The following ZFHX3 variants were observed in gnomAD, a reference collection of about 807,000 sequenced individuals.
ZFHX3 encodes zinc finger homeobox 3.
ZFHX3 carries 42 observed loss-of-function variants against 279.1 expected under a neutral mutation model. The observed-to-expected ratio is 0.15, with a 90% confidence interval of 0.12 to 0.19. The LOEUF (loss-of-function observed/expected upper bound fraction) is 0.19. Among genes scored for constraint, ZFHX3 ranks in the 10% least tolerant of loss-of-function variants. The pLI is 1.00. For missense variants in ZFHX3, 4,981 were observed against 4,754.0 expected, an observed-to-expected ratio of 1.05 and a Z score of -1.40; for synonymous variants, 2,293 against 1,957.8, an observed-to-expected ratio of 1.17 and a Z score of -4.52.
At chr16:73,650,532 G>C (rs573019840) in intron 2 of ZFHX3, among the ~76,000 whole-genome samples, 6 of 152,106 alleles carry the variant, frequency 3.9e-5, no homozygotes, top group Non-Finnish European at 8.8e-5. Context: ...TCCTCACTTA[G>C]ATTTGCAGAA....
chr16:72,942,212 A>T (rs1175256139), intron 3 of ZFHX3, among the ~76,000 whole-genome samples: 1 of 152,142 alleles, frequency 6.6e-6, no homozygotes, highest in African/African-American at 2.4e-5. Flanking sequence ...TTGAGTTCAC[A>T]CCTTTGCCCC....
chr16:73,873,704 T>C (rs1474761178), intron 1 of ZFHX3, among the ~76,000 whole-genome samples: 1 of 152,186 alleles, frequency 6.6e-6, no homozygotes, highest in African/African-American at 2.4e-5. Context: ...GCTATGACTC[T>C]TTAGAAAGGA....
intron 5 of ZFHX3, among the ~76,000 whole-genome samples, chr16:72,814,596 G>C (rs185559838): frequency 7.1e-6 from 1 of 140,742 alleles, no homozygotes; most frequent in Admixed American, 7.8e-5. Context: ...CCCCTGCATG[G>C]AGAGGGGAAC....
At chr16:72,823,609 C>A (rs2036855949) in intron 5 of ZFHX3, among the ~76,000 whole-genome samples, 1 of 152,312 alleles carries the variant, frequency 6.6e-6, no homozygotes, top group Non-Finnish European at 1.5e-5. Context: ...GCCTTTTATC[C>A]AGGGTATATT....
intron 3 of ZFHX3, chr16:73,402,433 T>C (rs895550756): frequency 3.9e-5 from 6 of 152,242 alleles, no homozygotes; most frequent in Admixed American, 3.3e-4. Context: ...ACATAACAGT[T>C]GAATTACTAG....
intron 5 of ZFHX3, among the ~76,000 whole-genome samples, chr16:73,228,216 T>C (rs1251532299): frequency 6.6e-6 from 1 of 152,210 alleles, no homozygotes; most frequent in Non-Finnish European, 1.5e-5. Flanking sequence ...TTGCAGGCCT[T>C]ATGTGCTTTT....
At chr16:73,197,026 A>T (rs1968164596) in intron 5 of ZFHX3, among the ~76,000 whole-genome samples, 1 of 152,114 alleles carries the variant, frequency 6.6e-6, no homozygotes, top group South Asian at 2.1e-4. Context: ...GGGCGTCTTT[A>T]CCATCTTCTG....
At chr16:73,814,586 A>G (rs2142340847) in intron 1 of ZFHX3, among the ~76,000 whole-genome samples, 1 of 141,560 alleles carries the variant, frequency 7.1e-6, no homozygotes, top group South Asian at 2.2e-4. Context: ...TTTTTTTTTG[A>G]GATGGAGTTT....
intron 2 of ZFHX3, among the ~76,000 whole-genome samples, chr16:73,599,009 C>T (rs980999785): frequency 2.0e-5 from 3 of 152,200 alleles, no homozygotes; most frequent in Admixed American, 6.5e-5. Flanking sequence ...GATCCACCTG[C>T]CTCAGCCTCC....
intron 1 of ZFHX3, among the ~76,000 whole-genome samples, chr16:73,793,912 G>A (rs1258192568): frequency 2.0e-5 from 3 of 151,878 alleles, no homozygotes; most frequent in Non-Finnish European, 4.4e-5. Flanking sequence ...AAAATGGATA[G>A]CCTTTGGGTG....
chr16:73,376,974 C>CTTTT lies in ZFHX3; in HGVS notation c.-1290-58642_-1290-58639dup, dbSNP rs11399068. Among the ~76,000 whole-genome samples the CTTTT allele has an allele frequency of 5.4e-4, 76 of 139,702 alleles. 1 individual carries two copies. Among genetic ancestry groups the CTTTT allele is most frequent in the African/African-American group, 2.0e-3 (74 of 37,328 alleles). The allele number at this position is 139,702 out of a possible 152,430, so 91.6% of individuals were successfully genotyped here. A position where few individuals can be genotyped will look rare whatever the true frequency, so the allele number is the denominator to read the frequency against. On this transcript the variant is annotated intron_variant, in intron 3 of 17. Coordinates refer to the ZFHX3 transcript ENST00000641206. ...AGAAACATTTTCACTATCATGACTG[C>CTTTT]TTTTTTTTTTTTTTTGAGAGACAGA...
At chr16:73,816,678 G>A (rs1960582867) in intron 1 of ZFHX3, among the ~76,000 whole-genome samples, 2 of 152,204 alleles carry the variant, frequency 1.3e-5, no homozygotes, top group East Asian at 1.9e-4. Context: ...CAGGGGTACG[G>A]ACTGAATAGG....
intron 1 of ZFHX3, among the ~76,000 whole-genome samples, chr16:73,702,229 G>C (rs1047986454): frequency 1.3e-5 from 2 of 152,062 alleles, no homozygotes; most frequent in Non-Finnish European, 2.9e-5. Context: ...CATAGCAAAA[G>C]GGGAGGATAG....
intron 8 of ZFHX3, 62 bp downstream of exon 8, chr16:72,799,965 C>T: frequency 1.4e-6 from 2 of 1,478,540 alleles, no homozygotes; most frequent in African/African-American, 1.4e-5. Context: ...AACCTTTCTC[C>T]ATGAACATTT....
chr16:73,783,636 A>T (rs1014468288), intron 1 of ZFHX3, among the ~76,000 whole-genome samples: 10 of 152,210 alleles, frequency 6.6e-5, no homozygotes, highest in Non-Finnish European at 7.3e-5. Context: ...TTTTCTGTCC[A>T]TTGTTAGTCA....
chr16:73,194,517 G>A (rs931005792), intron 5 of ZFHX3, among the ~76,000 whole-genome samples: 2 of 152,156 alleles, frequency 1.3e-5, no homozygotes, highest in Admixed American at 6.5e-5. Context: ...CTTCTTACTT[G>A]CTAGGTCACC....
chr16:73,389,641 T>C (rs2016971274), intron 3 of ZFHX3, among the ~76,000 whole-genome samples: 1 of 152,220 alleles, frequency 6.6e-6, no homozygotes, highest in Non-Finnish European at 1.5e-5. Flanking sequence ...GAAGCTGTGA[T>C]GTTTCCCAAC....
At chr16:73,139,260 T>C (rs1966840029) in intron 6 of ZFHX3, among the ~76,000 whole-genome samples, 1 of 152,142 alleles carries the variant, frequency 6.6e-6, no homozygotes, top group South Asian at 2.1e-4. Context: ...CAAAAATTAT[T>C]GAAAATGTAT....
intron 4 of ZFHX3, among the ~76,000 whole-genome samples, chr16:72,839,658 TAGA>T (rs1490453586): frequency 1.3e-5 from 2 of 151,820 alleles, no homozygotes; most frequent in East Asian, 1.9e-4. Flanking sequence ...CTGGAGTTGA[TAGA>T]AGAAGGTCTC....
Sources: allele counts gnomAD v4.1 joint callset (sites outside exome capture counted in the v4.1 genomes callset), GRCh38; gene constraint gnomAD v4.1.1; transcripts MANE v1.5; gene names NCBI Gene and HGNC (gene_info 2026-07-23, HGNC 2026-07-21).